The following PCNX2 variants were observed in gnomAD, a reference collection of about 807,000 sequenced individuals.
PCNX2 encodes pecanex-like protein 2.
Under a neutral mutation model 223.8 loss-of-function variants are expected in PCNX2, and 168 were observed. The observed-to-expected ratio is 0.75, with a 90% CI of 0.66 to 0.85. The LOEUF is 0.85. PCNX2 is among the 40% of genes least tolerant of loss of function. The pLI is 0.00. For synonymous variants in PCNX2, 1,006 were observed against 1,052.6 expected (o/e 0.96, Z 0.86); for missense variants, 2,507 against 2,675.5 (o/e 0.94, Z 1.39).
chr1:233,235,960 ATATATATAT>A (rs1558376554), intron 9 of PCNX2, among the ~76,000 whole-genome samples: 4 of 92,632 alleles, frequency 4.3e-5, no homozygotes, highest in South Asian at 2.9e-4. Flanking sequence ...AAAAAAAAAT[ATATATATAT>A]ATATATATAT....
chr1:233,159,429 C>T (rs1244821261), intron 19 of PCNX2, among the ~76,000 whole-genome samples: 1 of 152,142 alleles, frequency 6.6e-6, no homozygotes, highest in African/African-American at 2.4e-5. Context: ...AACCTTGGTG[C>T]CCCTCACTTA....
rs1681630197 is a variant in PCNX2, at chr1:233,208,672, T to C, written c.2709A>G (p.Ile903Met). The C allele has an allele frequency of 6.2e-7, 1 of 1,613,028 alleles. No homozygotes were observed. The highest frequency in any genetic ancestry group is 8.5e-7 in the Non-Finnish European group (1 of 1,179,438). The change falls in exon 13 of 34, where the codon ATA becomes ATG. Residue 903 changes from isoleucine to methionine, a missense_variant. Physicochemically the swap from Ile to Met is conservative, Grantham distance 10. Coordinates refer to ENST00000258229, the MANE Select transcript of PCNX2 (RefSeq NM_014801.4). Reference sequence around the variant, plus strand: ...AAAAATAGATTGGTCTGCTATATGTTATGATTTGGTTGTGTCCCTAGAAAA... The same window carrying C: ...AAAAATAGATTGGTCTGCTATATGTCATGATTTGGTTGTGTCCCTAGAAAA... The part of the protein sequence containing the change: ...ASPIHGHNQI[I>M]TYSRPIYFCV...
chr1:233,250,939 A>G lies in PCNX2; in HGVS notation c.2129-107T>C, dbSNP rs142335134. The G allele has an allele frequency of 6.7e-4, 817 of 1,214,840 alleles. 4 individuals carry two copies. In the African/African-American group the frequency reaches 0.011, roughly 16 times the overall value. The allele number at this position is 1,214,840 out of a possible 1,614,324, so 75.3% of individuals were successfully genotyped here. On this transcript the variant is annotated intron_variant, in intron 7 of 33. Transcript: ENST00000258229. ...AAAAGGAAACTTATTTTGGTCTGTT[A>G]TAATAACTGTTGACAATCGGGGTCC...
intron 12 of PCNX2, among the ~76,000 whole-genome samples, chr1:233,213,402 AC>A (rs1318964378): frequency 6.6e-6 from 1 of 152,166 alleles, no homozygotes; most frequent in Non-Finnish European, 1.5e-5. Context: ...TAAAATGTGG[AC>A]TTCAATAATA....
intron 25 of PCNX2, among the ~76,000 whole-genome samples, chr1:233,041,791 G>A (rs1417653138): frequency 6.6e-6 from 1 of 152,138 alleles, no homozygotes; most frequent in Non-Finnish European, 1.5e-5. Flanking sequence ...GTCCTTATGT[G>A]TGAATAATTA....
intron 19 of PCNX2, 113 bp downstream of exon 19, chr1:233,160,170 A>G: frequency 8.5e-7 from 1 of 1,178,052 alleles, no homozygotes; most frequent in Non-Finnish European, 1.2e-6. Flanking sequence ...TGCCATTTTC[A>G]AGTGTACAGT....
At chr1:233,119,150 T>G (rs1470743863) in intron 21 of PCNX2, among the ~76,000 whole-genome samples, 1 of 151,772 alleles carries the variant, frequency 6.6e-6, no homozygotes, top group Non-Finnish European at 1.5e-5. Context: ...TAGATATAAA[T>G]AGGCAAAAAA....
intron 22 of PCNX2, among the ~76,000 whole-genome samples, chr1:233,092,364 G>T (rs1324019468): frequency 2.0e-5 from 3 of 152,188 alleles, no homozygotes; most frequent in African/African-American, 7.2e-5. Flanking sequence ...ATATTAAAAG[G>T]GGGGCTGATG....
chr1:233,128,594 C>T (rs541896543), intron 21 of PCNX2, among the ~76,000 whole-genome samples: 6 of 152,250 alleles, frequency 3.9e-5, no homozygotes, highest in East Asian at 1.9e-4. Context: ...CTCAGCCTCC[C>T]GAAGTGCTGG....
chr1:233,259,438 A>G (rs1290420233), intron 4 of PCNX2, 94 bp from the exon 5 acceptor site: 1 of 1,407,272 alleles, frequency 7.1e-7, no homozygotes, highest in Non-Finnish European at 9.4e-7. Flanking sequence ...CTAAAACAGC[A>G]CCAGCAACTA....
Position 233,001,159 on chromosome 1 carries a change from G to A in PCNX2, c.5097+378C>T, listed in dbSNP as rs1056857743. On this transcript the variant is annotated intron_variant, in intron 29 of 33. Transcript: ENST00000258229. The surrounding 1 kb of genome is among the most constrained non-coding windows in gnomAD (Gnocchi z 4.2). ...AGCTATCCTCCCACCTTAACCTCCC[G>A]AGTAGCTGAGCGATAGTTTTTTCTA... 1.3e-5 allele frequency among the ~76,000 whole-genome samples: 2 copies of A among 152,114 alleles called. No individual in the cohort carries two copies. Among genetic ancestry groups the A allele is most frequent in the South Asian group, 2.1e-4 (1 of 4,818 alleles).
At chr1:233,152,831 C>A (rs185340207) in intron 19 of PCNX2, among the ~76,000 whole-genome samples, 1 of 152,286 alleles carries the variant, frequency 6.6e-6, no homozygotes, top group African/African-American at 2.4e-5. Context: ...ACTTAGGGAG[C>A]GCTTTCTGTC....
chr1:233,286,570 A>G (rs1003918955), intron 1 of PCNX2, among the ~76,000 whole-genome samples: 1 of 152,108 alleles, frequency 6.6e-6, no homozygotes. Context: ...TGGGCTACGG[A>G]GCAGAGGAGA....
At chr1:233,177,620 C>T (rs924131287) in intron 17 of PCNX2, among the ~76,000 whole-genome samples, 182 bp downstream of exon 17, 6 of 152,178 alleles carry the variant, frequency 3.9e-5, no homozygotes, top group African/African-American at 1.2e-4. Context: ...GGAGAGCAAG[C>T]GTTTCAAATA....
chr1:233,311,216 A>C, the PCNX2 span, among the ~76,000 whole-genome samples: 2 of 152,226 alleles, frequency 1.3e-5, no homozygotes, highest in Non-Finnish European at 2.9e-5. Flanking sequence ...ACTAACCCAG[A>C]AGCTATTACC....
chr1:233,034,765 C>CATTGGA (rs1398391281), intron 25 of PCNX2, among the ~76,000 whole-genome samples: 3 of 152,158 alleles, frequency 2.0e-5, no homozygotes, highest in Non-Finnish European at 4.4e-5. Context: ...CAAAAGGCCT[C>CATTGGA]ATGAGAGGTA....
intron 27 of PCNX2, 49 bp downstream of exon 27, chr1:233,016,868 CTTTA>C (rs1366363849): frequency 1.2e-4 from 183 of 1,575,520 alleles, no homozygotes; most frequent in Non-Finnish European, 1.3e-4. Context: ...TGACAATGTT[CTTTA>C]TTTATTAAAC....
chr1:233,196,565 T>C (rs1291212290), intron 15 of PCNX2, among the ~76,000 whole-genome samples: 1 of 152,150 alleles, frequency 6.6e-6, no homozygotes, highest in African/African-American at 2.4e-5. Context: ...CAAGCAAATT[T>C]TTCATCAATG....
chr1:233,291,561 T>C (rs1438558744), intron 1 of PCNX2: 5 of 599,260 alleles, frequency 8.3e-6, no homozygotes, highest in Non-Finnish European at 1.0e-5. Flanking sequence ...TGAGCCGAGA[T>C]TGCGCCATTG....
Sources: gnomAD v4.1 joint callset for allele counts (sites outside exome capture counted in the v4.1 genomes callset) on GRCh38, gnomAD v4.1.1 for gene constraint, Gnocchi (gnomAD v3.1) non-coding constraint, MANE v1.5 for transcripts, NCBI Gene and HGNC (gene_info 2026-07-23, HGNC 2026-07-21) for gene names.